The following ULK4 variants were observed in gnomAD, a reference collection of about 807,000 sequenced individuals.
ULK4 encodes the protein inactive serine/threonine-protein kinase ULK4.
ULK4 carries 133 observed loss-of-function variants against 160.6 expected under a neutral mutation model. The ratio of observed to expected loss-of-function variants is 0.83; its 90% CI spans 0.72 to 0.96. The LOEUF is 0.96. Among genes scored for constraint, ULK4 ranks in the 40% least tolerant of loss-of-function variants. The pLI, the probability that ULK4 is intolerant of heterozygous loss-of-function variation, is 0.00. For synonymous variants in ULK4, 534 were observed against 539.8 expected (o/e 0.99, Z 0.15); for missense variants, 1,580 against 1,499.5 (o/e 1.05, Z -0.89).
chr3:41,765,259 G>A (rs140419846), intron 21 of ULK4, among the ~76,000 whole-genome samples: 18,825 of 152,062 alleles, frequency 0.12, 1,338 homozygotes, highest in Middle Eastern at 0.27. Context: ...TCCTTTGTAG[G>A]GACATGGATG....
chr3:41,312,053 A>G (rs1410340498), intron 35 of ULK4, among the ~76,000 whole-genome samples: 1 of 151,396 alleles, frequency 6.6e-6, no homozygotes, highest in Non-Finnish European at 1.5e-5. Context: ...AGCTCACCGC[A>G]GACTCAAACT....
chr3:41,655,848 T>G (rs1009061608), intron 30 of ULK4, among the ~76,000 whole-genome samples: 3 of 152,226 alleles, frequency 2.0e-5, no homozygotes, highest in Admixed American at 2.0e-4. Context: ...TCTCTGATGA[T>G]TTGGGCTTTT....
At chr3:41,275,249 C>A (rs962729035) in intron 35 of ULK4, among the ~76,000 whole-genome samples, 1 of 152,242 alleles carries the variant, frequency 6.6e-6, no homozygotes, top group African/African-American at 2.4e-5. Context: ...TCCATTACTA[C>A]AGAGGAGACC....
chr3:41,703,746 T>TA (rs1318858813), intron 27 of ULK4, among the ~76,000 whole-genome samples: 19 of 150,248 alleles, frequency 1.3e-4, no homozygotes, highest in South Asian at 4.2e-4. Flanking sequence ...AAATCTGTCT[T>TA]AAAAAAAAAC....
At chr3:41,586,895 T>A (rs2030852926) in intron 31 of ULK4, among the ~76,000 whole-genome samples, 2 of 152,130 alleles carry the variant, frequency 1.3e-5, no homozygotes, top group Non-Finnish European at 2.9e-5. Context: ...ATTGACTGGA[T>A]ATTTGATAGT....
At chr3:41,860,318 T>G (rs188283278) in intron 17 of ULK4, among the ~76,000 whole-genome samples, 1 of 152,278 alleles carries the variant, frequency 6.6e-6, no homozygotes, top group African/African-American at 2.4e-5. Context: ...ATGCTGAAAA[T>G]GGGGTTTGAA....
At position 41,522,124 on chromosome 3, in the gene ULK4, T is replaced by C. The variant is rs568650912; in HGVS notation, c.3226+43901A>G. 3.0e-5 allele frequency among the ~76,000 whole-genome samples: 4 copies of C among 134,158 alleles called. No individual in the cohort carries two copies. The South Asian group carries it at 7.0e-4, about 24-fold the overall frequency. 88.0% of individuals were successfully genotyped at this position (134,158 alleles called of 152,430 possible). ...TATACTGGTTAAATGTTTTTTCTTT[T>C]TTTTCTTTTTTTTTTTTTTTGAGAC... is the stretch of plus-strand genomic sequence containing the variant. On this transcript the variant is annotated intron_variant, in intron 32 of 36. Coordinates refer to ENST00000301831, the MANE Select transcript of ULK4 (RefSeq NM_017886.4).
At chr3:41,856,624 T>TAC (rs2042371094) in intron 17 of ULK4, among the ~76,000 whole-genome samples, 1 of 131,058 alleles carries the variant, frequency 7.6e-6, no homozygotes, top group Non-Finnish European at 1.6e-5. Flanking sequence ...TACACATATA[T>TAC]ATATATGTAT....
intron 21 of ULK4, among the ~76,000 whole-genome samples, chr3:41,781,415 TTAA>T (rs947653242): frequency 2.2e-5 from 3 of 137,926 alleles, no homozygotes; most frequent in Non-Finnish European, 4.6e-5. Flanking sequence ...AGACTCCATC[TTAA>T]AAAAAAAAAA....
intron 34 of ULK4, among the ~76,000 whole-genome samples, chr3:41,418,426 A>G (rs1483408359): frequency 6.6e-6 from 1 of 152,028 alleles, no homozygotes. Context: ...ATTTTCCAAA[A>G]AATTTTTAAA....
chr3:41,334,069 C>T (rs140534845), intron 35 of ULK4, among the ~76,000 whole-genome samples: 201 of 152,232 alleles, frequency 1.3e-3, no homozygotes, highest in African/African-American at 4.6e-3. Flanking sequence ...CACATGCGCA[C>T]ATACACACAC....
At chr3:41,506,112 T>C (rs534825905) in intron 32 of ULK4, among the ~76,000 whole-genome samples, 9 of 152,316 alleles carry the variant, frequency 5.9e-5, no homozygotes, top group African/African-American at 2.2e-4. Flanking sequence ...AAACAGTGCT[T>C]ATATTAATGT....
chr3:41,498,723 G>A (rs2085083008), intron 32 of ULK4, among the ~76,000 whole-genome samples: 1 of 152,024 alleles, frequency 6.6e-6, no homozygotes, highest in African/African-American at 2.4e-5. Context: ...AGCCTCCCGA[G>A]TAGCTGGGAC....
chr3:41,455,444 A>G lies in ULK4; in HGVS notation c.3492+53T>C, dbSNP rs148506821. 118 of 1,499,448 alleles carry G rather than the reference A, an allele frequency of 7.9e-5. No individual in the cohort carries two copies. The African/African-American group carries it at 1.3e-3, about 16-fold the overall frequency. The allele number at this position is 1,499,448 out of a possible 1,614,324, so 92.9% of individuals were successfully genotyped here. On this transcript the variant is annotated intron_variant, in intron 34 of 36. Transcript: ENST00000301831. ...ACTCAAGAGATCAGGAAATTCAAAT[A>G]AAATTACTTCAACTTCAGTAATGCC...
chr3:41,865,851 G>A (rs762526576), intron 17 of ULK4, among the ~76,000 whole-genome samples: 4 of 151,080 alleles, frequency 2.6e-5, no homozygotes, highest in East Asian at 1.9e-4. Context: ...AAACACACAC[G>A]AGAAAAACTC....
intron 25 of ULK4, among the ~76,000 whole-genome samples, chr3:41,714,716 G>C (rs982889158): frequency 1.2e-4 from 18 of 151,986 alleles, no homozygotes; most frequent in African/African-American, 3.9e-4. Context: ...GCTTAACATA[G>C]AGAAATGCCA....
chr3:41,392,607 C>A (rs1172073335), intron 35 of ULK4, among the ~76,000 whole-genome samples: 1 of 152,096 alleles, frequency 6.6e-6, no homozygotes, highest in Non-Finnish European at 1.5e-5. Flanking sequence ...TCCACCCAGG[C>A]TCGCTCAGCT....
In ULK4 at chr3:41,681,558, A is replaced by C. The variant is rs1421055347; in HGVS notation, c.2928T>G (p.Val976=). ...GAGCCAGAAGATTGCTGTCAGAATC[A>C]ACACTGGCCTTCTCCTTGCCATCCC... ...EFGDGKEKAS[V]DSDSNLLALI... The change falls in exon 29 of 37, where the codon GTT becomes GTG. Residue 976 remains valine, a synonymous_variant. Coordinates refer to ENST00000301831, the MANE Select transcript of ULK4 (RefSeq NM_017886.4). The C allele has an allele frequency of 6.2e-7, 1 of 1,614,072 alleles. No homozygotes were observed. Among genetic ancestry groups the C allele is most frequent in the Admixed American group, 1.7e-5 (1 of 60,000 alleles).
Position 41,681,371 on chromosome 3 carries a change from T to C in ULK4, c.2978+137A>G, listed in dbSNP as rs1037939508. On this transcript the variant is annotated intron_variant, in intron 29 of 36. Transcript: ENST00000301831. ...CAGTTACCGCACCTGTCTAAACTTT[T>C]TTTATAATGAGTACACAAGCATATG... 7 of 1,265,264 alleles carry C rather than the reference T, an allele frequency of 5.5e-6. No homozygotes were observed. The Admixed American group carries it at 7.7e-5, about 14-fold the overall frequency. The allele number at this position is 1,265,264 out of a possible 1,614,324, so 78.4% of individuals were successfully genotyped here.
Sources: allele counts gnomAD v4.1 joint callset (sites outside exome capture counted in the v4.1 genomes callset), GRCh38; gene constraint gnomAD v4.1.1; transcripts MANE v1.5; gene names NCBI Gene and HGNC (gene_info 2026-07-23, HGNC 2026-07-21).